The following MIB1 variants were observed in gnomAD, a reference collection of about 807,000 sequenced individuals.
The protein encoded by MIB1 is MIB E3 ubiquitin protein ligase 1, also known as E3 ubiquitin-protein ligase MIB1.
MIB1 carries 278 observed loss-of-function variants against 124.5 expected under a neutral mutation model. The observed-to-expected ratio is 2.23, with a 90% CI of 2.02 to 2.47. The LOEUF (loss-of-function observed/expected upper bound fraction) is 2.47. Among genes scored for constraint, MIB1 ranks in the 30% most tolerant of loss-of-function variants. The probability of loss-of-function intolerance (pLI) is 0.00; values close to 1 mark genes in which losing one functional copy is unlikely to be tolerated. For missense variants in MIB1, 957 were observed against 1,254.4 expected, an observed-to-expected ratio of 0.76 and a Z score of 3.58; for synonymous variants, 446 against 429.4, an observed-to-expected ratio of 1.04 and a Z score of -0.48.
intron 7 of MIB1, among the ~76,000 whole-genome samples, chr18:21,795,185 G>A (rs780057984): frequency 1.3e-5 from 2 of 149,296 alleles, no homozygotes; most frequent in Non-Finnish European, 3.0e-5. Context: ...TATTATTTTA[G>A]ATCAAAATAT....
intron 10 of MIB1, among the ~76,000 whole-genome samples, chr18:21,810,217 A>G (rs2041755504): frequency 6.6e-6 from 1 of 152,106 alleles, no homozygotes; most frequent in African/African-American, 2.4e-5. Context: ...ATTGAAAACT[A>G]CAAAATATTG....
chr18:21,755,832 C>T (rs1280859531), intron 1 of MIB1, among the ~76,000 whole-genome samples: 1 of 152,266 alleles, frequency 6.6e-6, no homozygotes, highest in South Asian at 2.1e-4. Flanking sequence ...CGTTTATATT[C>T]TCAGAGCACA....
At chr18:21,820,020 A>C (rs1220730421) in intron 12 of MIB1, among the ~76,000 whole-genome samples, 3 of 152,226 alleles carry the variant, frequency 2.0e-5, no homozygotes, top group Non-Finnish European at 4.4e-5. Flanking sequence ...CTTAAGACTA[A>C]ATAAATACTA....
At chr18:21,799,050 T>C (rs937354233) in intron 8 of MIB1, among the ~76,000 whole-genome samples, 1 of 152,084 alleles carries the variant, frequency 6.6e-6, no homozygotes, top group Non-Finnish European at 1.5e-5. Flanking sequence ...GACACCATAG[T>C]AGGTTGACTA....
chr18:21,766,362 GATAA>G (rs1321544900), intron 2 of MIB1, among the ~76,000 whole-genome samples: 2 of 150,604 alleles, frequency 1.3e-5, no homozygotes, highest in Non-Finnish European at 3.0e-5. Context: ...GACACTAGAA[GATAA>G]ATAAGACACA....
Position 21,741,108 on chromosome 18 carries a change from G to T in MIB1, c.-476G>T, listed in dbSNP as rs1027672789. 6.6e-6 allele frequency among the ~76,000 whole-genome samples: 1 copy of T among 152,036 alleles called. No homozygotes were observed. Among genetic ancestry groups the T allele is most frequent in the Admixed American group, 6.5e-5 (1 of 15,276 alleles). On this transcript the variant is annotated 5_prime_UTR_variant, in exon 1 of 21. Transcript: ENST00000261537. This position sits in a 1 kb window ranked among gnomAD's most constrained non-coding sequence, Gnocchi z 5.4. ...GGGGAGGAGGCGGCGCCGGCGCTTGGGTGCCCGCCCCCGAGCGAGGGGCCG... is the reference window on the plus strand; with the variant it reads ...GGGGAGGAGGCGGCGCCGGCGCTTGTGTGCCCGCCCCCGAGCGAGGGGCCG...
chr18:21,835,808 C>CACACAT (rs2042023968), intron 12 of MIB1, among the ~76,000 whole-genome samples: 1 of 13,936 alleles, frequency 7.2e-5, no homozygotes, highest in African/African-American at 1.2e-4. Flanking sequence ...TATCCACACA[C>CACACAT]ACACACACAC....
intron 1 of MIB1, among the ~76,000 whole-genome samples, chr18:21,763,624 T>C (rs2041124384): frequency 6.6e-6 from 1 of 152,172 alleles, no homozygotes; most frequent in Non-Finnish European, 1.5e-5. Context: ...CAGTTCTAGA[T>C]TTCAGTTTAT....
intron 12 of MIB1, among the ~76,000 whole-genome samples, chr18:21,823,402 A>G (rs1466281111): frequency 1.5e-5 from 2 of 136,722 alleles, no homozygotes; most frequent in African/African-American, 5.6e-5. Flanking sequence ...CCCTGTCTCT[A>G]AAAAAAAAAA....
rs111576923 is a variant in MIB1 at position 21,732,018 on chromosome 18, A to AAT, written n.167+26911_167+26912dup. 2.4e-3 allele frequency among the ~76,000 whole-genome samples: 358 copies of AAT among 148,298 alleles called. 1 individual carries two copies. The highest frequency in any genetic ancestry group is 5.9e-3 in the African/African-American group (239 of 40,514). ...GAAGAAGAAAAATGGGTGCCCTTTA[A>AAT]ATATATATATATATATACTTCTTGG... On this transcript the variant is annotated intron_variant and non_coding_transcript_variant, in intron 1 of 20. Transcript: ENST00000578646.
At chr18:21,847,435 CT>C (rs2042144845) in intron 16 of MIB1, among the ~76,000 whole-genome samples, 1 of 152,052 alleles carries the variant, frequency 6.6e-6, no homozygotes, top group African/African-American at 2.4e-5. Flanking sequence ...GAGAAAAAGT[CT>C]TCTAGTAAAA....
chr18:21,774,510 C>T (rs1449833607), intron 4 of MIB1, among the ~76,000 whole-genome samples: 1 of 152,204 alleles, frequency 6.6e-6, no homozygotes, highest in Non-Finnish European at 1.5e-5. Flanking sequence ...ATCACCTGAA[C>T]CACGAGGGTC....
chr18:21,815,986 T>G (rs950539412), intron 11 of MIB1, among the ~76,000 whole-genome samples, 173 bp downstream of exon 11: 3 of 152,054 alleles, frequency 2.0e-5, no homozygotes, highest in Non-Finnish European at 4.4e-5. Flanking sequence ...AAAAAGTTGT[T>G]TTTTTTTAGG....
intron 1 of MIB1, among the ~76,000 whole-genome samples, chr18:21,748,421 C>T (rs941142920): frequency 4.9e-5 from 6 of 122,362 alleles, no homozygotes; most frequent in Non-Finnish European, 8.3e-5. Flanking sequence ...CTCCCTCTTT[C>T]CCCCCTTCTC....
rs1340062004 is a variant in MIB1, at chr18:21,761,476, TG to T, written c.230-4295del. On this transcript the variant is annotated intron_variant, in intron 1 of 20. Transcript: ENST00000261537. ...ACAGTTCTATTCCTGGAAGACCAAA[TG>T]TATATTTAAAATGGAGGAGAGGCAT... Among the ~76,000 whole-genome samples the T allele has an allele frequency of 2.0e-5, 3 of 152,272 alleles. No individual in the cohort carries two copies. In the East Asian group the frequency reaches 5.8e-4, roughly 29 times the overall value.
chr18:21,727,881 A>C (rs1454250246), intron 1 of MIB1, among the ~76,000 whole-genome samples: 4 of 152,214 alleles, frequency 2.6e-5, no homozygotes, highest in Admixed American at 2.6e-4. Context: ...GCAAGCAATC[A>C]CATGAACTTG....
intron 1 of MIB1, among the ~76,000 whole-genome samples, chr18:21,706,081 T>C (rs903216860): frequency 1.3e-5 from 2 of 148,992 alleles, no homozygotes; most frequent in African/African-American, 5.2e-5. Context: ...TGTTCTGTTT[T>C]GTTTTGTTTT....
At chr18:21,849,648 A>AT (rs1419680507) in intron 17 of MIB1, among the ~76,000 whole-genome samples, 6 of 152,046 alleles carry the variant, frequency 3.9e-5, no homozygotes, top group Admixed American at 6.5e-5. Context: ...TTACTGTCAA[A>AT]TTTTTTTAGC....
chr18:21,800,059 C>A, intron 9 of MIB1, 85 bp downstream of exon 9: 2 of 1,078,050 alleles, frequency 1.9e-6, no homozygotes, highest in Non-Finnish European at 1.3e-6. Flanking sequence ...TAAGATTTTG[C>A]CAGATGTGCT....
Sources: gnomAD v4.1 joint callset for allele counts (sites outside exome capture counted in the v4.1 genomes callset) on GRCh38, gnomAD v4.1.1 for gene constraint, Gnocchi (gnomAD v3.1) non-coding constraint, MANE v1.5 for transcripts, NCBI Gene and HGNC (gene_info 2026-07-23, HGNC 2026-07-21) for gene names.